The following TRIQK variants were observed in gnomAD, a reference collection of about 807,000 sequenced individuals.
The protein encoded by TRIQK is triple QxxK/R motif containing, also known as triple QxxK/R motif-containing protein.
In TRIQK, 10 loss-of-function variants were observed where a neutral mutation model predicts 10.8. The observed-to-expected ratio is 0.92, with a 90% CI of 0.57 to 1.57. The LOEUF is 1.57. Among genes scored for constraint, TRIQK ranks in the 40% most tolerant of loss-of-function variants. The pLI, the probability that TRIQK is intolerant of heterozygous loss-of-function variation, is 0.00. For missense variants in TRIQK, 107 were observed against 97.7 expected, an observed-to-expected ratio of 1.09 and a Z score of -0.40; for synonymous variants, 33 against 33.7, an observed-to-expected ratio of 0.98 and a Z score of 0.07.
chr8:92,976,578 A>G (rs1812933613), intron 1 of TRIQK, among the ~76,000 whole-genome samples: 1 of 151,880 alleles, frequency 6.6e-6, no homozygotes, highest in Non-Finnish European at 1.5e-5. Flanking sequence ...TTGTTTTTTA[A>G]AATCTAATTT....
chr8:92,952,574 G>A (rs1310266377), intron 2 of TRIQK, among the ~76,000 whole-genome samples: 1 of 151,842 alleles, frequency 6.6e-6, no homozygotes, highest in Non-Finnish European at 1.5e-5. Flanking sequence ...GAGAATAAAT[G>A]TCAGACACCA....
intron 1 of TRIQK, among the ~76,000 whole-genome samples, chr8:92,976,962 T>G (rs191776728): frequency 6.6e-6 from 1 of 152,136 alleles, no homozygotes; most frequent in East Asian, 1.9e-4. Context: ...CTATATATAT[T>G]AAACCCAACA....
intron 4 of TRIQK, among the ~76,000 whole-genome samples, chr8:92,889,419 T>C (rs990119302): frequency 1.3e-5 from 2 of 151,646 alleles, no homozygotes; most frequent in Non-Finnish European, 3.0e-5. Context: ...TAATGAAAGA[T>C]TGAGTAAAAT....
At chr8:93,006,672 TGGG>T (rs1813275975) in intron 1 of TRIQK, among the ~76,000 whole-genome samples, 1 of 152,198 alleles carries the variant, frequency 6.6e-6, no homozygotes, top group South Asian at 2.1e-4. Context: ...CTGTCAGTGC[TGGG>T]GAGACCGGAT....
At chr8:93,007,291 A>G (rs1813283904) in intron 1 of TRIQK, among the ~76,000 whole-genome samples, 2 of 152,224 alleles carry the variant, frequency 1.3e-5, no homozygotes, top group South Asian at 4.1e-4. Flanking sequence ...ATGGAAGTGG[A>G]GCCAGACTGT....
At chr8:92,982,163 G>A (rs898432309) in intron 1 of TRIQK, among the ~76,000 whole-genome samples, 4 of 151,642 alleles carry the variant, frequency 2.6e-5, no homozygotes, top group African/African-American at 7.2e-5. Context: ...TATTAATTTT[G>A]TAAATTGGAC....
At chr8:92,948,753 ATTATG>A (rs1275783611) in intron 2 of TRIQK, among the ~76,000 whole-genome samples, 1 of 152,232 alleles carries the variant, frequency 6.6e-6, no homozygotes, top group African/African-American at 2.4e-5. Context: ...CCAAAAGACA[ATTATG>A]TTAATTTGAA....
chr8:92,894,303 T>C (rs932072018), intron 3 of TRIQK, among the ~76,000 whole-genome samples: 2 of 152,140 alleles, frequency 1.3e-5, no homozygotes, highest in East Asian at 1.9e-4. Context: ...GTAGGTTCTT[T>C]ATAACTAAAG....
chr8:92,986,873 T>C (rs1259770784), intron 1 of TRIQK, among the ~76,000 whole-genome samples: 1 of 152,162 alleles, frequency 6.6e-6, no homozygotes, highest in East Asian at 1.9e-4. Context: ...AGGATGATAG[T>C]TAAGATGGTT....
chr8:92,981,465 A>G (rs1164644481), intron 1 of TRIQK, among the ~76,000 whole-genome samples: 1 of 151,856 alleles, frequency 6.6e-6, no homozygotes, highest in Admixed American at 6.6e-5. Flanking sequence ...TCTAATAGTA[A>G]GTTTTAAACT....
intron 2 of TRIQK, among the ~76,000 whole-genome samples, chr8:92,936,864 A>C (rs1032717087): frequency 2.0e-5 from 3 of 151,754 alleles, no homozygotes; most frequent in African/African-American, 2.4e-5. Context: ...AAAATCTATA[A>C]AGCAGCTATA....
chr8:92,923,464 C>T (rs981039629), intron 2 of TRIQK, among the ~76,000 whole-genome samples: 2 of 151,792 alleles, frequency 1.3e-5, no homozygotes, highest in Admixed American at 1.3e-4. Flanking sequence ...ACACTGCATT[C>T]CCTGAGGAAC....
upstream of TRIQK, among the ~76,000 whole-genome samples, chr8:92,970,102 G>A (rs761779008): frequency 2.3e-4 from 35 of 152,050 alleles, no homozygotes; most frequent in African/African-American, 3.6e-4. Context: ...CTCCATTCAC[G>A]TTCCTGCAAA....
chr8:92,987,917 A>G (rs963917994), intron 1 of TRIQK, among the ~76,000 whole-genome samples: 1 of 151,924 alleles, frequency 6.6e-6, no homozygotes, highest in African/African-American at 2.4e-5. Context: ...AGACACAGAT[A>G]CAGATGCAGA....
At chr8:92,919,942 G>A (rs529426659) in intron 2 of TRIQK, among the ~76,000 whole-genome samples, 34 of 151,646 alleles carry the variant, frequency 2.2e-4, no homozygotes, top group African/African-American at 8.0e-4. Flanking sequence ...CTTAGTAGTC[G>A]CTAATGATCT....
At chr8:92,925,202 A>C (rs866374054) in intron 2 of TRIQK, among the ~76,000 whole-genome samples, 2 of 152,132 alleles carry the variant, frequency 1.3e-5, no homozygotes, top group Non-Finnish European at 2.9e-5. Flanking sequence ...AACAAAACAA[A>C]CAACCAAAAA....
intron 2 of TRIQK, among the ~76,000 whole-genome samples, chr8:92,920,086 T>G (rs1334477166): frequency 1.3e-5 from 2 of 151,822 alleles, no homozygotes; most frequent in Non-Finnish European, 3.0e-5. Context: ...CTTTTTGTTT[T>G]GTTGATTTTT....
At chr8:93,017,063 A>G (rs1813390434) in intron 1 of TRIQK, among the ~76,000 whole-genome samples, 1 of 151,600 alleles carries the variant, frequency 6.6e-6, no homozygotes, top group Non-Finnish European at 1.5e-5. Context: ...ACATTCAATA[A>G]TACTGATTTT....
intron 2 of TRIQK, chr8:92,941,339 AG>A (rs1308864413): frequency 6.6e-6 from 1 of 152,162 alleles, no homozygotes; most frequent in Non-Finnish European, 1.5e-5. Flanking sequence ...GGCCTCCCAA[AG>A]CTCTGGGATT....
Sources: allele counts gnomAD v4.1 joint callset (sites outside exome capture counted in the v4.1 genomes callset), GRCh38; gene constraint gnomAD v4.1.1; transcripts MANE v1.5; gene names NCBI Gene and HGNC (gene_info 2026-07-23, HGNC 2026-07-21).